CEP112: variants seen among roughly 807,000 people sequenced by gnomAD.
CEP112 encodes the protein centrosomal protein of 112 kDa.
CEP112 carries 127 observed loss-of-function variants against 153.0 expected under a neutral mutation model. The ratio of observed to expected loss-of-function variants is 0.83; its 90% CI spans 0.72 to 0.96. The LOEUF is 0.96. Among genes scored for constraint, CEP112 ranks in the 40% least tolerant of loss-of-function variants. The pLI is 0.00. For synonymous variants in CEP112, 358 were observed against 374.4 expected (o/e 0.96, Z 0.51); for missense variants, 1,089 against 1,101.2 (o/e 0.99, Z 0.16).
rs374607491 is a variant in CEP112, at chr17:66,132,653, G to A, written c.564+17C>T. 8 of 1,579,102 alleles carry A rather than the reference G, an allele frequency of 5.1e-6. No individual in the cohort carries two copies. In the African/African-American group the frequency reaches 1.1e-4, roughly 21 times the overall value. On this transcript the variant is annotated intron_variant, in intron 5 of 26. Coordinates refer to ENST00000535342, the MANE Select transcript of CEP112 (RefSeq NM_001199165.4). Reference sequence around the variant, plus strand: ...AACAACAAGCAAAAACCAAACAAAAGTAAAATCTAATCTTACACAAATCTT... The same window carrying A: ...AACAACAAGCAAAAACCAAACAAAAATAAAATCTAATCTTACACAAATCTT...
chr17:66,040,508 T>TC lies in CEP112; in HGVS notation c.1219-10486_1219-10485insG, dbSNP rs1268207471. Among the ~76,000 whole-genome samples, 4 of 150,992 alleles carry TC rather than the reference T, an allele frequency of 2.6e-5. No individual in the cohort carries two copies. The East Asian group carries it at 5.8e-4, about 22-fold the overall frequency. ...TCCCTTTTTTTCTTTTTTTTTTTTT[T>TC]TGAGACAGAGTCTTGCTGTGCTCTG... is the stretch of plus-strand genomic sequence containing the variant. On this transcript the variant is annotated intron_variant, in intron 12 of 26. Coordinates refer to ENST00000535342, the MANE Select transcript of CEP112 (RefSeq NM_001199165.4).
intron 1 of CEP112, among the ~76,000 whole-genome samples, chr17:66,188,695 G>A (rs775050936): frequency 1.5e-4 from 23 of 148,542 alleles, no homozygotes; most frequent in Non-Finnish European, 3.4e-4. Context: ...TAAGTACCTA[G>A]CTTATTACCT....
intron 23 of CEP112, among the ~76,000 whole-genome samples, chr17:65,711,440 C>T (rs141171503): frequency 2.6e-5 from 4 of 152,266 alleles, no homozygotes; most frequent in East Asian, 1.9e-4. Context: ...CATAAAAACA[C>T]AATGTTAGCA....
intron 8 of CEP112, among the ~76,000 whole-genome samples, chr17:66,078,263 C>CT (rs573290197): frequency 0.29 from 24,604 of 83,650 alleles, 3,282 homozygotes; most frequent in African/African-American, 0.47. Context: ...TTTTCTTTTT[C>CT]TTTTTTTTTT....
At chr17:65,655,063 A>G in intron 24 of CEP112, 1 of 686,604 alleles carries the variant, frequency 1.5e-6, no homozygotes, top group South Asian at 1.4e-5. Flanking sequence ...ATCCAGAACC[A>G]AAACCTATGA....
At chr17:65,978,440 C>T (rs961810387) in intron 17 of CEP112, among the ~76,000 whole-genome samples, 5 of 152,184 alleles carry the variant, frequency 3.3e-5, no homozygotes, top group African/African-American at 4.8e-5. Flanking sequence ...AGCTCGGTCA[C>T]GTGCCAACTT....
intron 4 of CEP112, among the ~76,000 whole-genome samples, chr17:66,155,522 G>A (rs946576275): frequency 3.3e-5 from 5 of 151,614 alleles, no homozygotes; most frequent in Admixed American, 3.3e-4. Flanking sequence ...TACCCCAGTG[G>A]CACCTGGAAT....
intron 18 of CEP112, among the ~76,000 whole-genome samples, chr17:65,958,209 A>T (rs2062065725): frequency 1.3e-5 from 2 of 152,086 alleles, no homozygotes; most frequent in South Asian, 4.1e-4. Flanking sequence ...ATTCATACAA[A>T]TTTTTTCCAG....
chr17:65,832,937 C>A (rs990063090), intron 21 of CEP112, among the ~76,000 whole-genome samples: 1 of 152,122 alleles, frequency 6.6e-6, no homozygotes, highest in Admixed American at 6.5e-5. Flanking sequence ...ACTTGATGAA[C>A]ATTGTTGCAA....
chr17:65,758,338 T>C (rs1223328060), intron 21 of CEP112, among the ~76,000 whole-genome samples: 1 of 152,146 alleles, frequency 6.6e-6, no homozygotes, highest in Non-Finnish European at 1.5e-5. Flanking sequence ...ATTCTCCTTA[T>C]TAAAGAGCCC....
intron 17 of CEP112, among the ~76,000 whole-genome samples, chr17:65,962,914 A>C (rs1309868308): frequency 1.3e-5 from 2 of 152,222 alleles, no homozygotes; most frequent in Admixed American, 6.5e-5. Flanking sequence ...CCAAGTCTCC[A>C]GTATGTCTTT....
At chr17:65,738,626 C>T (rs2050940373) in intron 23 of CEP112, among the ~76,000 whole-genome samples, 1 of 152,228 alleles carries the variant, frequency 6.6e-6, no homozygotes, top group African/African-American at 2.4e-5. Context: ...AAAACTGTTA[C>T]AGTTTTTTAT....
At position 65,685,850 on chromosome 17, in the gene CEP112, T is replaced by C. The variant is rs576116301; in HGVS notation, c.2697+3279A>G. Among the ~76,000 whole-genome samples the C allele has an allele frequency of 5.5e-4, 84 of 152,066 alleles. 1 individual carries two copies. The highest frequency in any genetic ancestry group is 4.6e-3 in the South Asian group (22 of 4,800). ...ACCACGCCTGGCTAATTTTTGTATTTTTAGTAGAGACAGGATTTCACCATG... is the reference window on the plus strand; with the variant it reads ...ACCACGCCTGGCTAATTTTTGTATTCTTAGTAGAGACAGGATTTCACCATG... On this transcript the variant is annotated intron_variant, in intron 24 of 26. Transcript: ENST00000535342.
chr17:65,906,697 T>G (rs1485809756), intron 19 of CEP112, among the ~76,000 whole-genome samples: 3 of 152,172 alleles, frequency 2.0e-5, no homozygotes, highest in Non-Finnish European at 4.4e-5. Flanking sequence ...CTATACCGAG[T>G]AAGAAAGTTT....
intron 21 of CEP112, among the ~76,000 whole-genome samples, chr17:65,807,539 G>A (rs956542210): frequency 1.3e-5 from 2 of 152,178 alleles, no homozygotes; most frequent in South Asian, 2.1e-4. Flanking sequence ...CATAGGCCTG[G>A]AGGACTAGGA....
chr17:66,028,029 G>T (rs1335178812), intron 15 of CEP112, among the ~76,000 whole-genome samples: 2 of 149,610 alleles, frequency 1.3e-5, no homozygotes, highest in Non-Finnish European at 3.0e-5. Flanking sequence ...TTTAAAAGAA[G>T]GAAATTATTC....
At chr17:65,781,613 G>T (rs2054002400) in intron 21 of CEP112, among the ~76,000 whole-genome samples, 1 of 152,072 alleles carries the variant, frequency 6.6e-6, no homozygotes, top group African/African-American at 2.4e-5. Context: ...ATACTATAAG[G>T]CTGTAGTAAC....
Position 65,701,855 on chromosome 17 carries a change from T to C in CEP112, c.2608-12637A>G, listed in dbSNP as rs1013707346. ...TAAGCCCTACTCTCTCTGTTCTCCC[T>C]CCTAGTTAGTTGCCCACATTCCTTC... On this transcript the variant is annotated intron_variant, in intron 23 of 26. Coordinates refer to ENST00000535342, the MANE Select transcript of CEP112 (RefSeq NM_001199165.4). Among the ~76,000 whole-genome samples, 8 of 151,014 alleles carry C rather than the reference T, an allele frequency of 5.3e-5. No homozygotes were observed. The East Asian group carries it at 7.8e-4, about 15-fold the overall frequency.
At chr17:66,173,959 C>T (rs2072354207) in intron 4 of CEP112, among the ~76,000 whole-genome samples, 1 of 152,050 alleles carries the variant, frequency 6.6e-6, no homozygotes, top group Non-Finnish European at 1.5e-5. Flanking sequence ...GAGACAGACT[C>T]GCCCTATCGC....
Sources: gnomAD v4.1 joint callset for allele counts (sites outside exome capture counted in the v4.1 genomes callset) on GRCh38, gnomAD v4.1.1 for gene constraint, MANE v1.5 for transcripts, NCBI Gene and HGNC (gene_info 2026-07-23, HGNC 2026-07-21) for gene names.